Variants in SLC49A4 observed in about 807,000 individuals in gnomAD.
SLC49A4 encodes solute carrier family 49 member 4, also known as disrupted in renal cancer protein 2.
In SLC49A4, 36 loss-of-function variants were observed where a neutral mutation model predicts 50.6. That is an observed-to-expected ratio of 0.71 (90% CI 0.55 to 0.94). The LOEUF (loss-of-function observed/expected upper bound fraction) is 0.94. SLC49A4 is among the 40% of genes least tolerant of loss of function. SLC49A4 has a pLI of 0.00. For synonymous variants in SLC49A4, 248 were observed against 241.2 expected (o/e 1.03, Z -0.26); for missense variants, 503 against 605.7 (o/e 0.83, Z 1.78).
rs772517106 is a variant in SLC49A4, at chr3:122,795,447, C to G, written c.255C>G (p.Phe85Leu). Residue 85 changes from phenylalanine to leucine, a missense_variant, in exon 1 of 9, where the codon TTC (phenylalanine) becomes TTG (leucine). Transcript: ENST00000261038. ...IQNSARQAYG[F>L]SSWDIALLVL... ...ACTCGGCGCGCCAGGCCTACGGCTT[C>G]TCCAGCTGGGACATCGCGCTGCTCG... The G allele has an allele frequency of 3.1e-6, 5 of 1,607,562 alleles. No homozygotes were observed. In the South Asian group the frequency reaches 5.5e-5, roughly 18 times the overall value.
In SLC49A4 at chr3:122,844,653, G is replaced by T. The variant is rs1576303945; in HGVS notation, c.834-1110G>T. Among the ~76,000 whole-genome samples the T allele has an allele frequency of 3.3e-5, 5 of 152,094 alleles. No homozygotes were observed. In the South Asian group the frequency reaches 1.0e-3, roughly 32 times the overall value. On this transcript the variant is annotated intron_variant, in intron 4 of 8. Transcript: ENST00000261038. ...AAAAATTAGCTGGGTGTGCTGGCAG[G>T]TGCCTGTAATTCCAGCTCTTTGGGA...
intron 4 of SLC49A4, among the ~76,000 whole-genome samples, chr3:122,836,101 A>G (rs533643189): frequency 1.3e-5 from 2 of 152,046 alleles, no homozygotes; most frequent in Non-Finnish European, 2.9e-5. Flanking sequence ...GAAATCATAG[A>G]TGCCCATTCA....
rs915856802 is a variant in SLC49A4 at position 122,795,076 on chromosome 3, A to G, written c.-117A>G. 5.3e-5 allele frequency: 62 copies of G among 1,167,356 alleles called. No homozygotes were observed. Among genetic ancestry groups the G allele is most frequent in the East Asian group, 3.0e-4 (9 of 30,190 alleles). The allele number at this position is 1,167,356 out of a possible 1,614,324, so 72.3% of individuals were successfully genotyped here. ...CGCAGGCGCACCAGGCGCGGTCCGG[A>G]GGCCGAGGGCGACCACAGCAGCCTC... On this transcript the variant is annotated 5_prime_UTR_variant, in exon 1 of 9. Coordinates refer to ENST00000261038, the MANE Select transcript of SLC49A4 (RefSeq NM_032839.3).
intron 1 of SLC49A4, among the ~76,000 whole-genome samples, chr3:122,801,286 G>A (rs2107554554): frequency 6.6e-6 from 1 of 152,236 alleles, no homozygotes; most frequent in African/African-American, 2.4e-5. Context: ...GGAAAGAGAG[G>A]AGGCCATGGT....
chr3:122,815,969 C>T (rs574785422), intron 2 of SLC49A4, among the ~76,000 whole-genome samples: 2 of 152,312 alleles, frequency 1.3e-5, no homozygotes, highest in South Asian at 2.1e-4. Flanking sequence ...GGTCTATTTA[C>T]ATCAGGTAGG....
At chr3:122,812,826 C>T (rs1170911513) in intron 2 of SLC49A4, among the ~76,000 whole-genome samples, 1 of 152,144 alleles carries the variant, frequency 6.6e-6, no homozygotes, top group Non-Finnish European at 1.5e-5. Flanking sequence ...TAATTTGACT[C>T]TTAAAACTCA....
At chr3:122,837,252 C>A (rs1227095101) in intron 4 of SLC49A4, among the ~76,000 whole-genome samples, 4 of 152,102 alleles carry the variant, frequency 2.6e-5, no homozygotes, top group African/African-American at 9.7e-5. Context: ...CCGCAATGCC[C>A]AGTCAATTCT....
intron 2 of SLC49A4, among the ~76,000 whole-genome samples, chr3:122,817,747 A>ATTTTTTTTTTTT (rs77819385): frequency 1.4e-5 from 1 of 71,864 alleles, no homozygotes; most frequent in Non-Finnish European, 2.5e-5. Context: ...CACCCAGCTA[A>ATTTTTTTTTTTT]TTTTTTTTTT....
rs956626758 is a variant in SLC49A4 at position 122,880,551 on chromosome 3, T to A, written c.*1173T>A. On this transcript the variant is annotated 3_prime_UTR_variant, in exon 9 of 9. Transcript: ENST00000261038. ...GGTATCACCACTATTCATATTTACA[T>A]CATTCCCCTCACACAGAAAAACCAA... 3 of 152,222 alleles carry A rather than the reference T, an allele frequency of 2.0e-5. No homozygotes were observed. Among genetic ancestry groups the A allele is most frequent in the Admixed American group, 2.0e-4 (3 of 15,288 alleles). 9.4% of individuals were successfully genotyped at this position (152,222 alleles called of 1,614,324 possible).
intron 6 of SLC49A4, among the ~76,000 whole-genome samples, chr3:122,859,566 A>G (rs937533607): frequency 6.6e-6 from 1 of 152,178 alleles, no homozygotes; most frequent in East Asian, 1.9e-4. Context: ...CTCAGAATCA[A>G]CTGGGCATGG....
At chr3:122,824,711 CCTTT>C (rs941703269) in intron 2 of SLC49A4, among the ~76,000 whole-genome samples, 1 of 138,922 alleles carries the variant, frequency 7.2e-6, no homozygotes, top group African/African-American at 2.8e-5. Flanking sequence ...CCTTTCCTTT[CCTTT>C]CTTTTTTTTT....
chr3:122,860,119 T>A lies in SLC49A4; in HGVS notation c.1055T>A (p.Leu352His). 6.2e-7 allele frequency: 1 copy of A among 1,613,314 alleles called. No homozygotes were observed. The highest frequency in any genetic ancestry group is 8.5e-7 in the Non-Finnish European group (1 of 1,179,602). ...IRGMLKLILL[L>H]LFSGATLSST... ...GGTATGCTGAAACTAATTCTTCTCC[T>A]CCTGTTTTCGGGAGCTACACTGTCA... The change falls in exon 7 of 9, where the codon CTC (leucine) becomes CAC (histidine). Residue 352 changes from leucine (L) to histidine (H), a missense_variant. By Grantham distance (99) the Leu-to-His change is moderately conservative. Transcript: ENST00000261038.
Position 122,833,345 on chromosome 3 carries a change from T to C in SLC49A4, c.732T>C (p.Ser244=), listed in dbSNP as rs1022513032. The C allele has an allele frequency of 1.2e-6, 2 of 1,613,478 alleles. No homozygotes were observed. The highest frequency in any genetic ancestry group is 1.7e-6 in the Non-Finnish European group (2 of 1,179,672). The change falls in exon 4 of 9, where the codon TCT becomes TCC. Residue 244 remains serine (S), a synonymous_variant. Coordinates refer to ENST00000261038, the MANE Select transcript of SLC49A4 (RefSeq NM_032839.3). ...AEFGVVCLIF[S]ATLAYFPPRP... ...TTGGAGTTGTCTGCTTAATATTTTC[T>C]GCAACACTAGCTTATTTCCCACCCC...
At chr3:122,852,060 C>G (rs1255488634) in intron 5 of SLC49A4, among the ~76,000 whole-genome samples, 2 of 143,554 alleles carry the variant, frequency 1.4e-5, no homozygotes, top group Non-Finnish European at 3.0e-5. Flanking sequence ...GCGGCGTGAT[C>G]AGCTCACTGC....
At chr3:122,841,913 C>G (rs542203327) in intron 4 of SLC49A4, among the ~76,000 whole-genome samples, 1 of 150,560 alleles carries the variant, frequency 6.6e-6, no homozygotes, top group Non-Finnish European at 1.5e-5. Flanking sequence ...CTCTATAGCA[C>G]GTCGTACATT....
chr3:122,855,827 T>A (rs1183336496), intron 5 of SLC49A4, among the ~76,000 whole-genome samples: 14 of 152,204 alleles, frequency 9.2e-5, no homozygotes, highest in African/African-American at 4.8e-5. Context: ...AAATGTTTTC[T>A]CAAGAGGGGA....
intron 3 of SLC49A4, among the ~76,000 whole-genome samples, chr3:122,831,551 A>G (rs1291990685): frequency 6.6e-6 from 1 of 152,188 alleles, no homozygotes; most frequent in East Asian, 1.9e-4. Flanking sequence ...TTTATAGGAA[A>G]TGTCCATAAT....
At chr3:122,801,487 G>A (rs1190316401) in intron 1 of SLC49A4, among the ~76,000 whole-genome samples, 1 of 152,198 alleles carries the variant, frequency 6.6e-6, no homozygotes, top group Middle Eastern at 3.2e-3. Flanking sequence ...AGCTACTCGG[G>A]AGGCTGAGGC....
chr3:122,854,106 G>A (rs1936956681), intron 5 of SLC49A4, among the ~76,000 whole-genome samples: 1 of 152,190 alleles, frequency 6.6e-6, no homozygotes, highest in African/African-American at 2.4e-5. Flanking sequence ...AAGTGTTTGT[G>A]GGAGCCTAGT....
Sources: allele counts gnomAD v4.1 joint callset (sites outside exome capture counted in the v4.1 genomes callset), GRCh38; gene constraint gnomAD v4.1.1; transcripts MANE v1.5; gene names NCBI Gene and HGNC (gene_info 2026-07-23, HGNC 2026-07-21).